The following FANCC variants were observed in gnomAD, a reference collection of about 807,000 sequenced individuals.
The protein encoded by FANCC is Fanconi anemia group C protein.
In FANCC, 55 loss-of-function variants were observed where a neutral mutation model predicts 71.3. That is an observed-to-expected ratio of 0.77 (90% confidence interval 0.62 to 0.97). The LOEUF is 0.97. Ranked by LOEUF, FANCC falls within the 50% of genes least tolerant of loss-of-function variation. The probability of loss-of-function intolerance (pLI) is 0.00; values close to 1 mark genes in which losing one functional copy is unlikely to be tolerated. For missense variants in FANCC, 678 were observed against 670.9 expected (o/e 1.01, Z -0.12); for synonymous variants, 275 against 244.9 (o/e 1.12, Z -1.15).
In FANCC at chr9:95,251,515, C is replaced by A. The variant is rs530342157; in HGVS notation, c.-78-2146G>T. On this transcript the variant is annotated intron_variant, in intron 1 of 14. Transcript: ENST00000289081. ...ATTTTTAGTAGAGACGGGGTCTCAC[C>A]ATGTTGGCTAGGCGGGTCTCGACCT... Among the ~76,000 whole-genome samples the A allele has an allele frequency of 5.3e-4, 80 of 152,078 alleles. 1 individual carries two copies. Among genetic ancestry groups the A allele is most frequent in the African/African-American group, 1.7e-3 (72 of 41,504 alleles).
intron 1 of FANCC, among the ~76,000 whole-genome samples, chr9:95,272,111 T>C (rs985970700): frequency 5.9e-5 from 9 of 151,378 alleles, no homozygotes; most frequent in African/African-American, 2.2e-4. Context: ...TAAATTTTTT[T>C]GTATTTTTAG....
intron 6 of FANCC, among the ~76,000 whole-genome samples, chr9:95,150,814 A>T (rs1830131106): frequency 6.6e-6 from 1 of 152,154 alleles, no homozygotes; most frequent in Non-Finnish European, 1.5e-5. Flanking sequence ...CCCCAAATAA[A>T]GTCCTGCTGT....
At chr9:95,116,470 A>G (rs1564654658) in intron 11 of FANCC, among the ~76,000 whole-genome samples, 1 of 152,160 alleles carries the variant, frequency 6.6e-6, no homozygotes, top group Non-Finnish European at 1.5e-5. Flanking sequence ...AATCATTTGC[A>G]TTTCTCAAAC....
intron 4 of FANCC, among the ~76,000 whole-genome samples, chr9:95,238,622 G>C (rs1351552453): frequency 1.3e-5 from 2 of 151,870 alleles, no homozygotes; most frequent in East Asian, 3.9e-4. Context: ...CTGGAGTGCA[G>C]TGGCATGATA....
rs10666439 is a variant in FANCC, at chr9:95,235,844, C to CAAAAAAAAAAAAAAAAAAAAAAAAAAAAA, written c.345+4804_345+4805insTTTTTTTTTTTTTTTTTTTTTTTTTTTTT. On this transcript the variant is annotated intron_variant, in intron 4 of 14. Transcript: ENST00000289081. ...GGGCAACAAGAGTGAAACTCCACCT[C>CAAAAAAAAAAAAAAAAAAAAAAAAAAAAA]AAAAAAAAAAAAAAAAAAAAAAAAA... 5.5e-5 allele frequency among the ~76,000 whole-genome samples: 2 copies of CAAAAAAAAAAAAAAAAAAAAAAAAAAAAA among 36,222 alleles called. 1 individual carries two copies. Among genetic ancestry groups the CAAAAAAAAAAAAAAAAAAAAAAAAAAAAA allele is most frequent in the Non-Finnish European group, 8.9e-5 (2 of 22,580 alleles). The allele number at this position is 36,222 out of a possible 152,430, so 23.8% of individuals were successfully genotyped here. A position where few individuals can be genotyped will look rare whatever the true frequency, so the allele number is the denominator to read the frequency against.
intron 1 of FANCC, among the ~76,000 whole-genome samples, chr9:95,281,540 A>G (rs1442857260): frequency 2.6e-5 from 4 of 152,144 alleles, no homozygotes; most frequent in African/African-American, 4.8e-5. Flanking sequence ...TGCTAAAGGG[A>G]GTTCTTCAAG....
intron 6 of FANCC, among the ~76,000 whole-genome samples, chr9:95,162,004 T>A (rs910004829): frequency 6.6e-6 from 1 of 152,006 alleles, no homozygotes; most frequent in Non-Finnish European, 1.5e-5. Flanking sequence ...ACCACACCCA[T>A]CTAATTTTTG....
intron 4 of FANCC, among the ~76,000 whole-genome samples, chr9:95,218,364 C>A (rs1406286777): frequency 6.6e-6 from 1 of 152,132 alleles, no homozygotes; most frequent in Non-Finnish European, 1.5e-5. Context: ...ACACAGTAGG[C>A]TGAGGTGGGA....
At position 95,182,373 on chromosome 9, in the gene FANCC, A is replaced by G. The variant is rs549399444; in HGVS notation, c.346-10226T>C. On this transcript the variant is annotated intron_variant, in intron 4 of 14. Coordinates refer to ENST00000289081, the MANE Select transcript of FANCC (RefSeq NM_000136.3). ...GTCTCTACTAAAAATACAAAAAATT[A>G]GCTGGGCATGGTGGCGGGTGCCTTT... Among the ~76,000 whole-genome samples, 37 of 152,214 alleles carry G rather than the reference A, an allele frequency of 2.4e-4. No individual in the cohort carries two copies. In the East Asian group the frequency reaches 5.6e-3, roughly 23 times the overall value.
rs769039987 is a variant in FANCC, at chr9:95,150,074, G to T, written c.535C>A (p.Arg179=). The T allele has an allele frequency of 6.2e-7, 1 of 1,613,928 alleles. No homozygotes were observed. Among genetic ancestry groups the T allele is most frequent in the Non-Finnish European group, 8.5e-7 (1 of 1,180,016 alleles). Residue 179 remains arginine, a synonymous_variant, in exon 7 of 15, where the codon CGA becomes AGA. Coordinates refer to ENST00000289081, the MANE Select transcript of FANCC (RefSeq NM_000136.3). The part of the protein sequence containing the change: ...FNTQRRMAPE[R]VASLSRVCVP... ...CAAACTCGTGACAGGGACGCCACTC[G>T]CTCGGGAGCCATTCTATGGAAGAAA... is the stretch of plus-strand genomic sequence containing the variant.
chr9:95,130,670 G>C (rs1826756543), intron 8 of FANCC, among the ~76,000 whole-genome samples: 1 of 152,144 alleles, frequency 6.6e-6, no homozygotes, highest in Non-Finnish European at 1.5e-5. Context: ...CCCAGCAGCC[G>C]GACAATCCCG....
At chr9:95,316,271 T>C (rs568681908) in intron 1 of FANCC, among the ~76,000 whole-genome samples, 1 of 152,350 alleles carries the variant, frequency 6.6e-6, no homozygotes, top group South Asian at 2.1e-4. Context: ...TGTATATGAG[T>C]GCTTATTTCC....
At chr9:95,257,794 T>C (rs1022182016) in intron 1 of FANCC, among the ~76,000 whole-genome samples, 2 of 151,910 alleles carry the variant, frequency 1.3e-5, no homozygotes, top group Non-Finnish European at 2.9e-5. Flanking sequence ...GTCAGACTAA[T>C]AAAGAAGAAA....
intron 6 of FANCC, among the ~76,000 whole-genome samples, chr9:95,164,293 C>T (rs1158751560): frequency 6.6e-6 from 1 of 152,120 alleles, no homozygotes; most frequent in Non-Finnish European, 1.5e-5. Context: ...CTTTTTCTTG[C>T]CCAATTCCTC....
Position 95,204,369 on chromosome 9 carries a change from TA to T in FANCC, c.346-32223del, listed in dbSNP as rs1827988391. The stretch of plus-strand genomic sequence containing the variant: ...CACAAGGACATTAATTAGGCATTGG[TA>T]ACTGGGAGATGTTCTGAGAGCATGC... On this transcript the variant is annotated intron_variant, in intron 4 of 14. Transcript: ENST00000289081. Among the ~76,000 whole-genome samples, 7 of 152,344 alleles carry T rather than the reference TA, an allele frequency of 4.6e-5. No individual in the cohort carries two copies. In the South Asian group the frequency reaches 1.5e-3, roughly 32 times the overall value.
intron 1 of FANCC, among the ~76,000 whole-genome samples, chr9:95,254,542 C>T (rs1831542399): frequency 6.6e-6 from 1 of 152,214 alleles, no homozygotes; most frequent in South Asian, 2.1e-4. Context: ...ATGGTGCATT[C>T]CAGCACAGAC....
chr9:95,215,165 C>T (rs532980930), intron 4 of FANCC, among the ~76,000 whole-genome samples: 4 of 152,186 alleles, frequency 2.6e-5, no homozygotes, highest in South Asian at 2.1e-4. Flanking sequence ...TCTTACAGTT[C>T]GGATACAGAT....
chr9:95,178,360 G>A (rs988257268), intron 4 of FANCC, among the ~76,000 whole-genome samples: 1 of 152,220 alleles, frequency 6.6e-6, no homozygotes, highest in Admixed American at 6.5e-5. Flanking sequence ...TGATGAGATG[G>A]GACAAGGGGT....
chr9:95,234,308 A>C (rs1023202737), intron 4 of FANCC, among the ~76,000 whole-genome samples: 1 of 152,216 alleles, frequency 6.6e-6, no homozygotes, highest in Non-Finnish European at 1.5e-5. Context: ...ATTTATTCAA[A>C]AATTTATGCC....
Sources: gnomAD v4.1 joint callset for allele counts (sites outside exome capture counted in the v4.1 genomes callset) on GRCh38, gnomAD v4.1.1 for gene constraint, MANE v1.5 for transcripts, NCBI Gene and HGNC (gene_info 2026-07-23, HGNC 2026-07-21) for gene names.